Variants in EFCAB5 observed in about 807,000 individuals in gnomAD.
The protein encoded by EFCAB5 is EF-hand calcium binding domain 5.
In EFCAB5, 131 loss-of-function variants were observed where a neutral mutation model predicts 167.9. The observed-to-expected ratio is 0.78, with a 90% CI of 0.68 to 0.90. EFCAB5 has a LOEUF of 0.90. EFCAB5 is among the 40% of genes least tolerant of loss of function. The pLI is 0.00. For synonymous variants in EFCAB5, 574 were observed against 602.8 expected (o/e 0.95, Z 0.70); for missense variants, 1,663 against 1,745.2 (o/e 0.95, Z 0.84).
chr17:30,075,698 C>T (rs2070854617), intron 14 of EFCAB5, among the ~76,000 whole-genome samples: 1 of 152,166 alleles, frequency 6.6e-6, no homozygotes, highest in Non-Finnish European at 1.5e-5. Flanking sequence ...CTGAAGGTTG[C>T]CCTTCCACAT....
At chr17:30,040,352 C>T (rs1397798802) in intron 8 of EFCAB5, among the ~76,000 whole-genome samples, 1 of 152,224 alleles carries the variant, frequency 6.6e-6, no homozygotes, top group South Asian at 2.1e-4. Context: ...CAGTCAGGCA[C>T]CTCCATGATC....
chr17:30,090,679 C>T lies in EFCAB5; in HGVS notation c.3937+5C>T, dbSNP rs1222794567. 2.5e-6 allele frequency: 4 copies of T among 1,607,178 alleles called. No individual in the cohort carries two copies. Among genetic ancestry groups the T allele is most frequent in the Non-Finnish European group, 3.4e-6 (4 of 1,177,394 alleles). ...TAAAGAAAAAATATATCTTAGGTAT[C>T]GTTCATGTGGCATCAGTCTAAATTC... On this transcript the variant is annotated splice_donor_5th_base_variant and intron_variant, in intron 20 of 22. Coordinates refer to ENST00000394835, the MANE Select transcript of EFCAB5 (RefSeq NM_198529.4).
At chr17:30,052,964 A>G (rs989954208) in intron 9 of EFCAB5, among the ~76,000 whole-genome samples, 2 of 152,192 alleles carry the variant, frequency 1.3e-5, no homozygotes, top group African/African-American at 4.8e-5. Flanking sequence ...GACAAATTCT[A>G]TTTGCCTTGG....
chr17:30,075,561 C>A (rs2070852138), intron 14 of EFCAB5, among the ~76,000 whole-genome samples: 1 of 152,196 alleles, frequency 6.6e-6, no homozygotes, highest in Non-Finnish European at 1.5e-5. Flanking sequence ...GCCCTCCTCA[C>A]CCTGCTCAAG....
At chr17:30,083,426 C>A (rs1394645950) in intron 18 of EFCAB5, among the ~76,000 whole-genome samples, 1 of 152,202 alleles carries the variant, frequency 6.6e-6, no homozygotes, top group African/African-American at 2.4e-5. Flanking sequence ...CAGATGCTTA[C>A]TAAAAGCATC....
intron 9 of EFCAB5, among the ~76,000 whole-genome samples, chr17:30,051,823 G>C (rs1483482217): frequency 6.6e-6 from 1 of 152,118 alleles, no homozygotes; most frequent in Admixed American, 6.5e-5. Context: ...ACCGTACCCA[G>C]CCTGGTAATT....
rs1392822306 is a variant in EFCAB5, at chr17:30,107,828, A to G, written c.4322-6A>G. 6.5e-7 allele frequency: 1 copy of G among 1,536,450 alleles called. No individual in the cohort carries two copies. The highest frequency in any genetic ancestry group is 1.3e-5 in the South Asian group (1 of 78,660). On this transcript the variant is annotated splice_region_variant and splice_polypyrimidine_tract_variant and intron_variant, in intron 22 of 22. Transcript: ENST00000394835. ...CTCTTACTTTTCTTTTTTTTTCCTG[A>G]TGCAGATCATTCCCGAACTGAAGTA...
At chr17:30,081,203 T>G (rs999347850) in intron 17 of EFCAB5, among the ~76,000 whole-genome samples, 5 of 152,234 alleles carry the variant, frequency 3.3e-5, no homozygotes, top group South Asian at 2.1e-4. Flanking sequence ...CTCAGCCTCA[T>G]GTGTCCCATA....
chr17:29,932,144 G>C (rs2067204700), intron 1 of EFCAB5, among the ~76,000 whole-genome samples: 1 of 149,414 alleles, frequency 6.7e-6, no homozygotes, highest in Non-Finnish European at 1.5e-5. Flanking sequence ...ATGCAATTAA[G>C]ATAACTTTTT....
chr17:30,050,078 A>G (rs1287219367), intron 8 of EFCAB5, among the ~76,000 whole-genome samples: 1 of 152,170 alleles, frequency 6.6e-6, no homozygotes, highest in Non-Finnish European at 1.5e-5. Context: ...TTAGATCTCA[A>G]TGTTGAGTAA....
chr17:30,082,068 TGGAACAG>T, intron 17 of EFCAB5, among the ~76,000 whole-genome samples: 1 of 152,290 alleles, frequency 6.6e-6, no homozygotes, highest in Admixed American at 6.5e-5. Context: ...CCCTTCTCTG[TGGAACAG>T]GGTCTCCTTA....
chr17:29,989,864 GC>G (rs1376406373), intron 4 of EFCAB5, among the ~76,000 whole-genome samples: 1 of 152,166 alleles, frequency 6.6e-6, no homozygotes, highest in Non-Finnish European at 1.5e-5. Context: ...AACAATGGCT[GC>G]CATAAAAAAT....
At chr17:30,006,043 G>A (rs1010421586) in intron 7 of EFCAB5, among the ~76,000 whole-genome samples, 4 of 152,122 alleles carry the variant, frequency 2.6e-5, no homozygotes, top group African/African-American at 7.2e-5. Flanking sequence ...TATACCTTCC[G>A]TGTATTGACT....
intron 7 of EFCAB5, among the ~76,000 whole-genome samples, chr17:30,009,125 A>G (rs2068837786): frequency 6.6e-6 from 1 of 152,218 alleles, no homozygotes. Context: ...TAGATAATTT[A>G]GGATAATCTC....
intron 4 of EFCAB5, among the ~76,000 whole-genome samples, chr17:29,970,957 C>T (rs932506453): frequency 6.6e-6 from 1 of 151,912 alleles, no homozygotes; most frequent in Non-Finnish European, 1.5e-5. Context: ...TGCCTGTAAT[C>T]CCCGCTACTT....
chr17:30,041,865 G>A (rs1312344202), intron 8 of EFCAB5, among the ~76,000 whole-genome samples: 1 of 152,120 alleles, frequency 6.6e-6, no homozygotes, highest in East Asian at 1.9e-4. Flanking sequence ...CTTGCTGAAG[G>A]CACAGATGAT....
rs1306262375 is a variant in EFCAB5, at chr17:29,943,622, A to G, written c.163A>G (p.Lys55Glu). 3 of 1,583,746 alleles carry G rather than the reference A, an allele frequency of 1.9e-6. No individual in the cohort carries two copies. The highest frequency in any genetic ancestry group is 2.6e-6 in the Non-Finnish European group (3 of 1,164,312). Residue 55 changes from lysine to glutamate, a missense_variant, in exon 3 of 23, where the codon AAA becomes GAA. Lys to Glu is a moderately conservative substitution (Grantham distance 56, BLOSUM62 1). Coordinates refer to ENST00000394835, the MANE Select transcript of EFCAB5 (RefSeq NM_198529.4). Reference protein sequence around the residue: ...VKEDTNSVVEKAMDEIKSQEL... With the variant: ...VKEDTNSVVEEAMDEIKSQEL... ...AGAGGACACCAACAGTGTGGTGGAG[A>G]AAGCAATGGATGAAATCAAATCCCA...
intron 22 of EFCAB5, among the ~76,000 whole-genome samples, chr17:30,096,263 T>A (rs372091393): frequency 2.6e-4 from 40 of 152,350 alleles, no homozygotes; most frequent in East Asian, 1.9e-3. Flanking sequence ...TTATCACTTC[T>A]TGTGATTTAA....
intron 8 of EFCAB5, among the ~76,000 whole-genome samples, chr17:30,044,624 A>G (rs1363370617): frequency 1.3e-5 from 2 of 152,122 alleles, no homozygotes; most frequent in Non-Finnish European, 2.9e-5. Context: ...AGAAAAAAAC[A>G]CTGACAATAC....
Sources: gnomAD v4.1 joint callset for allele counts (sites outside exome capture counted in the v4.1 genomes callset) on GRCh38, gnomAD v4.1.1 for gene constraint, MANE v1.5 for transcripts, NCBI Gene and HGNC (gene_info 2026-07-23, HGNC 2026-07-21) for gene names.